The following ZNF420 variants were observed in gnomAD, a reference collection of about 807,000 sequenced individuals.
ZNF420 encodes zinc finger protein 420.
ZNF420 carries 31 observed loss-of-function variants against 44.7 expected under a neutral mutation model. The observed-to-expected ratio is 0.69, with a 90% CI of 0.52 to 0.94. The LOEUF (loss-of-function observed/expected upper bound fraction) is 0.94, where lower values mean the gene tolerates loss of function less well. Among genes scored for constraint, ZNF420 ranks in the 40% least tolerant of loss-of-function variants. The probability of loss-of-function intolerance (pLI) is 0.00; values close to 1 mark genes in which losing one functional copy is unlikely to be tolerated. For missense variants in ZNF420, 681 were observed against 827.9 expected, an observed-to-expected ratio of 0.82 and a Z score of 2.18; for synonymous variants, 245 against 267.4, an observed-to-expected ratio of 0.92 and a Z score of 0.82.
intron 4 of ZNF420, among the ~76,000 whole-genome samples, chr19:37,100,313 A>G (rs567636904): frequency 5.6e-4 from 84 of 151,298 alleles, no homozygotes; most frequent in African/African-American, 1.8e-3. Flanking sequence ...CCATTTGTCT[A>G]TGTGTCTGTT....
chr19:37,053,211 A>T (rs1006472842), intron 1 of ZNF420, among the ~76,000 whole-genome samples: 1 of 152,262 alleles, frequency 6.6e-6, no homozygotes, highest in South Asian at 2.1e-4. Flanking sequence ...TTTTGGCTCC[A>T]TCAGGTCCTT....
At chr19:37,055,673 C>T (rs1426676094) in intron 1 of ZNF420, among the ~76,000 whole-genome samples, 1 of 152,194 alleles carries the variant, frequency 6.6e-6, no homozygotes, top group African/African-American at 2.4e-5. Context: ...TGCCTGAGGA[C>T]GACTCCATCA....
intron 1 of ZNF420, among the ~76,000 whole-genome samples, chr19:37,042,573 A>G (rs552948532): frequency 1.3e-5 from 2 of 152,340 alleles, no homozygotes; most frequent in Non-Finnish European, 2.9e-5. Context: ...TCCAAGGGGG[A>G]AAATAAAGCC....
chr19:37,010,153 G>C (rs1246240123), intron 1 of ZNF420, among the ~76,000 whole-genome samples: 1 of 152,232 alleles, frequency 6.6e-6, no homozygotes, highest in Non-Finnish European at 1.5e-5. Flanking sequence ...GCTTGGCAAA[G>C]CAGGAGCCCT....
At position 37,107,754 on chromosome 19, in the gene ZNF420, TC is replaced by T. The variant is rs1344243167; in HGVS notation, c.136+16635del. 4 of 152,506 alleles carry T rather than the reference TC, an allele frequency of 2.6e-5. No individual in the cohort carries two copies. The East Asian group carries it at 5.8e-4, about 22-fold the overall frequency. 9.4% of individuals were successfully genotyped at this position (152,506 alleles called of 1,614,324 possible). ...ATAGGAAATTTACAATAGTAGAACTTCCGATGGTCTTAACCCAAGTGACAGG... is the reference window on the plus strand; with the variant it reads ...ATAGGAAATTTACAATAGTAGAACTTCGATGGTCTTAACCCAAGTGACAGG... On this transcript the variant is annotated intron_variant, in intron 4 of 4. Coordinates refer to ENST00000337995, the MANE Select transcript of ZNF420 (RefSeq NM_144689.5).
rs185962455 is a variant in ZNF420 at position 37,034,951 on chromosome 19, T to G, written c.-125+26869T>G. On this transcript the variant is annotated intron_variant, in intron 1 of 4. Transcript: ENST00000587029. ...AGAGGCAAAAGGGACAGTTTCACTTTGCTGAGGGAAATAGGGTGGTAAGAA... is the reference window on the plus strand; with the variant it reads ...AGAGGCAAAAGGGACAGTTTCACTTGGCTGAGGGAAATAGGGTGGTAAGAA... Among the ~76,000 whole-genome samples, 6 of 152,324 alleles carry G rather than the reference T, an allele frequency of 3.9e-5. No individual in the cohort carries two copies. In the East Asian group the frequency reaches 1.2e-3, roughly 29 times the overall value.
intron 3 of ZNF420, among the ~76,000 whole-genome samples, chr19:37,090,367 TGTACTGTGAGTGGCAC>T (rs56015738): frequency 0.24 from 35,991 of 151,860 alleles, 4,978 homozygotes; most frequent in Non-Finnish European, 0.32. Context: ...CACAGTGGCA[TGTACTGTGAGTGGCAC>T]GTACTGTGGT....
intron 4 of ZNF420, among the ~76,000 whole-genome samples, chr19:37,112,655 C>CT (rs1036157864): frequency 5.3e-5 from 8 of 152,196 alleles, no homozygotes; most frequent in African/African-American, 1.9e-4. Context: ...TCAGTGCTTC[C>CT]AAACCCTCCT....
At chr19:37,019,023 A>C (rs1397586529) in intron 1 of ZNF420, among the ~76,000 whole-genome samples, 1 of 151,982 alleles carries the variant, frequency 6.6e-6, no homozygotes, top group East Asian at 1.9e-4. Context: ...ACAAGTTGAA[A>C]TTCATGAAAA....
chr19:37,112,015 G>A (rs917491929), intron 4 of ZNF420, among the ~76,000 whole-genome samples: 1 of 151,900 alleles, frequency 6.6e-6, no homozygotes, highest in African/African-American at 2.4e-5. Flanking sequence ...GGCTCAGTAT[G>A]TCCGTTTTCT....
At chr19:37,037,410 C>T (rs1443746923) in intron 1 of ZNF420, among the ~76,000 whole-genome samples, 10 of 152,226 alleles carry the variant, frequency 6.6e-5, no homozygotes, top group Admixed American at 6.5e-4. Context: ...TTCACTCAGT[C>T]TCAGCCACCA....
At chr19:37,009,222 T>C (rs1428006586) in intron 1 of ZNF420, among the ~76,000 whole-genome samples, 2 of 148,232 alleles carry the variant, frequency 1.3e-5, no homozygotes, top group Non-Finnish European at 2.9e-5. Flanking sequence ...GGGACTGGGC[T>C]GGGGCTGGGT....
intron 1 of ZNF420, among the ~76,000 whole-genome samples, chr19:37,022,914 G>A (rs575446733): frequency 1.3e-5 from 2 of 152,270 alleles, no homozygotes; most frequent in South Asian, 4.1e-4. Context: ...GAAGCAAGCG[G>A]ATCACAAGGT....
intron 4 of ZNF420, among the ~76,000 whole-genome samples, chr19:37,113,941 C>G (rs994172959): frequency 6.6e-6 from 1 of 152,110 alleles, no homozygotes; most frequent in African/African-American, 2.4e-5. Context: ...AAGAATGAGT[C>G]TATGTCCATG....
chr19:37,029,196 T>C (rs1047458647), intron 1 of ZNF420, among the ~76,000 whole-genome samples: 15 of 152,228 alleles, frequency 9.9e-5, no homozygotes, highest in Admixed American at 2.0e-4. Context: ...ATTAGCCATA[T>C]GGACACATAT....
At chr19:37,105,605 AT>A (rs1247716041) in intron 4 of ZNF420, among the ~76,000 whole-genome samples, 2 of 152,132 alleles carry the variant, frequency 1.3e-5, no homozygotes, top group African/African-American at 4.8e-5. Context: ...CATTTTATTG[AT>A]TCTTGATTCA....
intron 2 of ZNF420, among the ~76,000 whole-genome samples, chr19:37,086,346 A>G (rs1254289288): frequency 6.6e-6 from 1 of 152,156 alleles, no homozygotes; most frequent in Non-Finnish European, 1.5e-5. Context: ...TCTCTGGGTT[A>G]GCCTCTTAAA....
chr19:37,020,074 G>A (rs1254961393), intron 1 of ZNF420, among the ~76,000 whole-genome samples: 3 of 151,844 alleles, frequency 2.0e-5, no homozygotes, highest in African/African-American at 4.8e-5. Context: ...AAAATGAGCC[G>A]GGCACAGTGG....
intron 1 of ZNF420, among the ~76,000 whole-genome samples, chr19:37,063,543 TC>T (rs34853237): frequency 6.6e-6 from 1 of 150,448 alleles, no homozygotes; most frequent in African/African-American, 2.5e-5. Flanking sequence ...TGCATAGATC[TC>T]CCCCCTCCCC....
Sources: gnomAD v4.1 joint callset for allele counts (sites outside exome capture counted in the v4.1 genomes callset) on GRCh38, gnomAD v4.1.1 for gene constraint, MANE v1.5 for transcripts, NCBI Gene and HGNC (gene_info 2026-07-23, HGNC 2026-07-21) for gene names.